The following FUT2 variants were observed in gnomAD, a reference collection of about 807,000 sequenced individuals.
FUT2 encodes fucosyltransferase 2 (H blood group).
For synonymous variants in FUT2, 182 were observed against 193.1 expected (o/e 0.94, Z 0.48); for missense variants, 419 against 465.8 (o/e 0.90, Z 0.93).
intron 1 of FUT2, among the ~76,000 whole-genome samples, chr19:48,701,521 T>C (rs1187336689): frequency 6.6e-6 from 1 of 151,244 alleles, no homozygotes; most frequent in Non-Finnish European, 1.5e-5. Flanking sequence ...TCATAGGCCA[T>C]GGCCGATGAA....
At chr19:48,700,663 T>C (rs1260059694) in intron 1 of FUT2, among the ~76,000 whole-genome samples, 1 of 151,984 alleles carries the variant, frequency 6.6e-6, no homozygotes, top group Non-Finnish European at 1.5e-5. Flanking sequence ...CATCTCACGG[T>C]CCCAAAAGGG....
Position 48,704,042 on chromosome 19 carries a change from T to C in FUT2, c.*54T>C, listed in dbSNP as rs2032587382. ...CCTTCTCTGCCTCCCTCAAGATGAG[T>C]GCCCGGGCATGAGAAGCACATGGTT... On this transcript the variant is annotated 3_prime_UTR_variant, in exon 2 of 2. Coordinates refer to ENST00000425340, the MANE Select transcript of FUT2 (RefSeq NM_000511.6). 6.7e-7 allele frequency: 1 copy of C among 1,502,942 alleles called. No individual in the cohort carries two copies. The highest frequency in any genetic ancestry group is 1.4e-5 in the African/African-American group (1 of 72,756). The allele number at this position is 1,502,942 out of a possible 1,614,324, so 93.1% of individuals were successfully genotyped here.
At chr19:48,702,829 T>G (rs1029082916) in intron 1 of FUT2, 126 bp from the exon 2 acceptor site, 8 of 898,092 alleles carry the variant, frequency 8.9e-6, no homozygotes, top group Non-Finnish European at 1.5e-5. Flanking sequence ...TGCCAAGTAT[T>G]TACACACCTG....
Position 48,704,118 on chromosome 19 carries a change from A to T in FUT2, c.*130A>T. The T allele has an allele frequency of 1.1e-6, 1 of 931,796 alleles. No homozygotes were observed. The highest frequency in any genetic ancestry group is 1.7e-6 in the Non-Finnish European group (1 of 580,354). 57.7% of individuals were successfully genotyped at this position (931,796 alleles called of 1,614,324 possible). ...TGTGAAGATGCGTTGGGCTGCAAGT[A>T]ACAGAAATCTCAGTGAACAGTGGCC... is the stretch of plus-strand genomic sequence containing the variant. On this transcript the variant is annotated 3_prime_UTR_variant, in exon 2 of 2. Transcript: ENST00000425340.
chr19:48,702,861 C>CA lies in FUT2; in HGVS notation c.-2-93dup. 2.6e-6 allele frequency: 3 copies of CA among 1,175,652 alleles called. No individual in the cohort carries two copies. The South Asian group carries it at 3.7e-5, about 15-fold the overall frequency. 72.8% of individuals were successfully genotyped at this position (1,175,652 alleles called of 1,614,324 possible). A position where few individuals can be genotyped will look rare whatever the true frequency, so the allele number is the denominator to read the frequency against. On this transcript the variant is annotated intron_variant, in intron 1 of 1. Transcript: ENST00000425340. ...CCTGAAGTAGAAGCACACACACACC[C>CA]ACACTATGCCTGCACACCACCGCAT... is the stretch of plus-strand genomic sequence containing the variant.
rs567788105 is a variant in FUT2, at chr19:48,705,905, TATAA to T, written c.*1928_*1931del. 1.3e-3 allele frequency: 212 copies of T among 166,460 alleles called. 2 individuals are homozygous for T. Among genetic ancestry groups the T allele is most frequent in the Middle Eastern group, 3.4e-3 (1 of 296 alleles). The allele number at this position is 166,460 out of a possible 1,614,324, so 10.3% of individuals were successfully genotyped here. A position where few individuals can be genotyped will look rare whatever the true frequency, so the allele number is the denominator to read the frequency against. On this transcript the variant is annotated 3_prime_UTR_variant, in exon 2 of 2. Transcript: ENST00000425340. ...GACGACGTAGTGATACCCTGACTCT[TATAA>T]ATAAATAAATGAATAAACACAATTA...
intron 1 of FUT2, among the ~76,000 whole-genome samples, chr19:48,701,813 T>C (rs1457171619): frequency 6.6e-6 from 1 of 151,742 alleles, no homozygotes. Flanking sequence ...ACCAACATGG[T>C]GAAACCCCGT....
chr19:48,704,988 A>G lies in FUT2; in HGVS notation c.*1000A>G, dbSNP rs2032609552. On this transcript the variant is annotated 3_prime_UTR_variant, in exon 2 of 2. Coordinates refer to ENST00000425340, the MANE Select transcript of FUT2 (RefSeq NM_000511.6). Reference sequence around the variant, plus strand: ...AGGGGTTGTGTAGGTTGTTCACTGCAGGAAGTCCCCTGGTTAAGAAGGCAA... The same window carrying G: ...AGGGGTTGTGTAGGTTGTTCACTGCGGGAAGTCCCCTGGTTAAGAAGGCAA... 2.4e-6 allele frequency: 1 copy of G among 411,186 alleles called. No homozygotes were observed. The highest frequency in any genetic ancestry group is 4.4e-5 in the Admixed American group (1 of 22,680). The allele number at this position is 411,186 out of a possible 1,614,324, so 25.5% of individuals were successfully genotyped here. A position where few individuals can be genotyped will look rare whatever the true frequency, so the allele number is the denominator to read the frequency against.
intron 1 of FUT2, among the ~76,000 whole-genome samples, chr19:48,700,327 T>TA (rs1318717523): frequency 7.1e-6 from 1 of 141,438 alleles, no homozygotes; most frequent in African/African-American, 2.7e-5. Context: ...CCATTTATTT[T>TA]ATTTTATTTT....
chr19:48,698,456 A>G (rs1015043522), intron 1 of FUT2, among the ~76,000 whole-genome samples: 1 of 151,616 alleles, frequency 6.6e-6, no homozygotes, highest in Non-Finnish European at 1.5e-5. Flanking sequence ...TTTAAGATAG[A>G]GCCTGACTCT....
In FUT2 at chr19:48,703,655, C is replaced by G. The variant is rs761655447; in HGVS notation, c.699C>G (p.Arg233=). ...AGGCCCTGGACTGGTTCCGAGCTCGCTACAGCTCCCTCATCTTCGTGGTCA... is the reference window on the plus strand; with the variant it reads ...AGGCCCTGGACTGGTTCCGAGCTCGGTACAGCTCCCTCATCTTCGTGGTCA... The part of the protein sequence containing the change: ...LQQALDWFRA[R]YSSLIFVVTS... Residue 233 remains arginine, a synonymous_variant, in exon 2 of 2, where the codon CGC becomes CGG. Coordinates refer to ENST00000425340, the MANE Select transcript of FUT2 (RefSeq NM_000511.6). 1 of 1,613,582 alleles carries G rather than the reference C, an allele frequency of 6.2e-7. No individual in the cohort carries two copies. Among genetic ancestry groups the G allele is most frequent in the African/African-American group, 1.3e-5 (1 of 74,938 alleles).
rs112058615 is a variant in FUT2 at position 48,704,010 on chromosome 19, C to A, written c.*22C>A. On this transcript the variant is annotated 3_prime_UTR_variant, in exon 2 of 2. Transcript: ENST00000425340. ...CTAATGCTGGCCCATTCTTTGAGAC[C>A]TTTTCTCCTTCTCTGCCTCCCTCAA... is the stretch of plus-strand genomic sequence containing the variant. The A allele has an allele frequency of 1.6e-5, 25 of 1,605,660 alleles. 2 individuals are homozygous for A. The highest frequency in any genetic ancestry group is 1.5e-4 in the African/African-American group (11 of 74,870).
In FUT2 at chr19:48,704,173, G is replaced by T; in HGVS notation, c.*185G>T. ...GTGGTGGCTCATGCCTGTAATGCTC[G>T]CACTTTGTGAGGCCAGGGTGGGTGG... is the stretch of plus-strand genomic sequence containing the variant. On this transcript the variant is annotated 3_prime_UTR_variant, in exon 2 of 2. Transcript: ENST00000425340. 4.3e-6 allele frequency: 3 copies of T among 698,230 alleles called. 1 individual carries two copies. In the South Asian group the frequency reaches 5.1e-5, roughly 12 times the overall value. 43.3% of individuals were successfully genotyped at this position (698,230 alleles called of 1,614,324 possible).
Position 48,703,417 on chromosome 19 carries a change from G to A in FUT2, c.461G>A (p.Trp154Ter), listed in dbSNP as rs601338. ...CGCTTCACCGGCTACCCCTGCTCCT[G>A]GACCTTCTACCACCACCTCCGCCAG... ...YVRFTGYPCSWTFYHHLRQEI... is the reference protein window; with the variant it reads ...YVRFTGYPCS Residue 154 changes from tryptophan to a stop codon, truncating the protein, a stop_gained, in exon 2 of 2, where the codon TGG (tryptophan) becomes TAG (stop). Transcript: ENST00000425340. LOFTEE classifies it low-confidence loss of function (END_TRUNC). The A allele has an allele frequency of 0.46, 738,929 of 1,612,604 alleles. 179,977 individuals are homozygous for A. Among genetic ancestry groups the A allele is most frequent in the Middle Eastern group, 0.52 (3,132 of 6,058 alleles).
chr19:48,703,367 C>T lies in FUT2; in HGVS notation c.411C>T (p.Tyr137=). The T allele has an allele frequency of 3.7e-6, 6 of 1,613,042 alleles. No homozygotes were observed. Among genetic ancestry groups the T allele is most frequent in the Non-Finnish European group, 5.1e-6 (6 of 1,179,964 alleles). ...YHLNDWMEEE[Y]RHIPGEYVRF... Reference sequence around the variant, plus strand: ...TGAACGACTGGATGGAGGAGGAATACCGCCACATCCCGGGGGAGTACGTCC... The same window carrying T: ...TGAACGACTGGATGGAGGAGGAATATCGCCACATCCCGGGGGAGTACGTCC... Residue 137 remains tyrosine (Y), a synonymous_variant, in exon 2 of 2, where the codon TAC becomes TAT. Transcript: ENST00000425340.
rs751793622 is a variant in FUT2, at chr19:48,703,232, C to T, written c.276C>T (p.Pro92=). The change falls in exon 2 of 2, where the codon CCC becomes CCT. Residue 92 remains proline, a synonymous_variant. Coordinates refer to ENST00000425340, the MANE Select transcript of FUT2 (RefSeq NM_000511.6). The part of the protein sequence containing the change: ...LYALAKMNGR[P]AFIPAQMHST... ...CCCTGGCCAAGATGAACGGGCGGCC[C>T]GCCTTCATCCCGGCCCAGATGCACA... The T allele has an allele frequency of 4.4e-5, 71 of 1,613,076 alleles. 1 individual carries two copies. The Middle Eastern group carries it at 6.6e-4, about 15-fold the overall frequency.
In FUT2 at chr19:48,703,136, C is replaced by T. The variant is rs769281725; in HGVS notation, c.180C>T (p.Leu60=). 3.7e-6 allele frequency: 6 copies of T among 1,613,426 alleles called. No homozygotes were observed. The South Asian group carries it at 6.6e-5, about 18-fold the overall frequency. Reference sequence around the variant, plus strand: ...CAAAGGCACTGGGACCCAGCCAGCTCAGGGGGATGTGGACGATCAATGCAA... The same window carrying T: ...CAAAGGCACTGGGACCCAGCCAGCTTAGGGGGATGTGGACGATCAATGCAA... ...STSKALGPSQ[L]RGMWTINAIG... Residue 60 remains leucine, a synonymous_variant, in exon 2 of 2, where the codon CTC becomes CTT. Transcript: ENST00000425340.
At chr19:48,698,373 G>T (rs1261845708) in intron 1 of FUT2, among the ~76,000 whole-genome samples, 1 of 151,872 alleles carries the variant, frequency 6.6e-6, no homozygotes, top group African/African-American at 2.4e-5. Context: ...TCCTTCCTGG[G>T]TAAGGAGGTA....
chr19:48,703,478 G>A lies in FUT2; in HGVS notation c.522G>A (p.Val174=), dbSNP rs914884274. 26 of 1,612,986 alleles carry A rather than the reference G, an allele frequency of 1.6e-5. No homozygotes were observed. The highest frequency in any genetic ancestry group is 2.1e-5 in the Non-Finnish European group (25 of 1,180,034). The change falls in exon 2 of 2, where the codon GTG becomes GTA. Residue 174 remains valine (V), a synonymous_variant. Transcript: ENST00000425340. Reference sequence around the variant, plus strand: ...AGGAGTTCACCCTGCACGACCACGTGCGGGAGGAGGCCCAGAAGTTCCTGC... The same window carrying A: ...AGGAGTTCACCCTGCACGACCACGTACGGGAGGAGGCCCAGAAGTTCCTGC... The part of the protein sequence containing the change: ...ILQEFTLHDH[V]REEAQKFLRG...
Sources: gnomAD v4.1 joint callset for allele counts (sites outside exome capture counted in the v4.1 genomes callset) on GRCh38, gnomAD v4.1.1 for gene constraint, MANE v1.5 for transcripts, NCBI Gene and HGNC (gene_info 2026-07-23, HGNC 2026-07-21) for gene names.